DPP10: variants seen among roughly 807,000 people sequenced by gnomAD.
DPP10 encodes the protein dipeptidyl peptidase like 10.
A neutral mutation model predicts 120.9 loss-of-function variants in DPP10; 33 were observed. That is an observed-to-expected ratio of 0.27 (90% CI 0.21 to 0.37). The LOEUF is 0.37. Among genes scored for constraint, DPP10 ranks in the 10% least tolerant of loss-of-function variants. The probability of loss-of-function intolerance (pLI) is 1.00; values close to 1 mark genes in which losing one functional copy is unlikely to be tolerated. For synonymous variants in DPP10, 337 were observed against 326.1 expected (o/e 1.03, Z -0.36); for missense variants, 816 against 942.8 (o/e 0.87, Z 1.76).
rs544470042 is a variant in DPP10 at position 115,105,537 on chromosome 2, C to T, written c.61-203702C>T. Among the ~76,000 whole-genome samples, 11 of 152,138 alleles carry T rather than the reference C, an allele frequency of 7.2e-5. No homozygotes were observed. The South Asian group carries it at 1.7e-3, about 23-fold the overall frequency. On this transcript the variant is annotated intron_variant, in intron 1 of 25. Coordinates refer to ENST00000410059, the MANE Select transcript of DPP10 (RefSeq NM_020868.6). ...AAGAATTCATTCATTACCATGGTGA[C>T]AGCACCAAGTCATTCATGAGGAGTC... is the stretch of plus-strand genomic sequence containing the variant.
Position 115,331,075 on chromosome 2 carries a change from A to AT in DPP10, c.176-12735dup, listed in dbSNP as rs545862328. Among the ~76,000 whole-genome samples, 545 of 152,136 alleles carry AT rather than the reference A, an allele frequency of 3.6e-3. 2 individuals carry two copies. Among genetic ancestry groups the AT allele is most frequent in the Admixed American group, 6.4e-3 (97 of 15,264 alleles). On this transcript the variant is annotated intron_variant, in intron 2 of 25. Transcript: ENST00000410059. ...ATCCATGGGCATGGAACGTTCTTCC[A>AT]TTTTTTTGTGTCCTCTTTTATTTCG...
chr2:114,807,677 T>TC (rs1447848378), intron 1 of DPP10, among the ~76,000 whole-genome samples: 1 of 152,232 alleles, frequency 6.6e-6, no homozygotes, highest in East Asian at 1.9e-4. Flanking sequence ...GCTGTGTGTT[T>TC]CTGCACATAG....
intron 3 of DPP10, among the ~76,000 whole-genome samples, chr2:115,454,151 A>C (rs1319638322): frequency 6.6e-6 from 1 of 151,540 alleles, no homozygotes; most frequent in East Asian, 1.9e-4. Context: ...TTAAAGAAGA[A>C]ATAGTAGTAA....
chr2:114,620,033 C>G (rs903447723), intron 1 of DPP10, among the ~76,000 whole-genome samples: 8 of 151,998 alleles, frequency 5.3e-5, no homozygotes, highest in African/African-American at 1.7e-4. Flanking sequence ...TCCTAAAAAT[C>G]TCGGTTTAAG....
At chr2:115,820,540 A>G (rs1196780890) in intron 21 of DPP10, among the ~76,000 whole-genome samples, 2 of 151,816 alleles carry the variant, frequency 1.3e-5, no homozygotes, top group African/African-American at 4.8e-5. Context: ...TCAGCAGAGA[A>G]GTGTATTGTA....
chr2:115,664,716 T>C (rs1405911940), intron 5 of DPP10, among the ~76,000 whole-genome samples: 4 of 152,140 alleles, frequency 2.6e-5, no homozygotes, highest in African/African-American at 9.7e-5. Flanking sequence ...TTACCCCAAC[T>C]GGGTTCATGA....
intron 1 of DPP10, among the ~76,000 whole-genome samples, chr2:114,589,848 A>G (rs1222832700): frequency 6.6e-6 from 1 of 151,956 alleles, no homozygotes; most frequent in African/African-American, 2.4e-5. Context: ...GTGGTTGCAG[A>G]GGCCCTCCAT....
At chr2:115,575,314 A>T (rs1406730227) in intron 5 of DPP10, among the ~76,000 whole-genome samples, 6 of 152,204 alleles carry the variant, frequency 3.9e-5, no homozygotes, top group Non-Finnish European at 8.8e-5. Context: ...TTTAAATATC[A>T]TCATAAGAAA....
chr2:115,129,583 T>G (rs2050238857), intron 1 of DPP10, among the ~76,000 whole-genome samples: 1 of 152,196 alleles, frequency 6.6e-6, no homozygotes, highest in Admixed American at 6.5e-5. Flanking sequence ...ATTTGTAGAA[T>G]GCATTCTTGT....
At chr2:115,721,992 C>T (rs2092659976) in intron 7 of DPP10, among the ~76,000 whole-genome samples, 2 of 151,994 alleles carry the variant, frequency 1.3e-5, no homozygotes, top group Admixed American at 1.3e-4. Flanking sequence ...TGAAATAAGC[C>T]AGGCACAGAA....
At chr2:114,496,709 T>C (rs1682547858) in intron 1 of DPP10, among the ~76,000 whole-genome samples, 1 of 151,924 alleles carries the variant, frequency 6.6e-6, no homozygotes, top group Admixed American at 6.6e-5. Context: ...ATTTAGACCA[T>C]AGCAGGGTAC....
intron 1 of DPP10, among the ~76,000 whole-genome samples, chr2:114,803,160 C>T (rs1341538180): frequency 6.6e-6 from 1 of 152,186 alleles, no homozygotes; most frequent in African/African-American, 2.4e-5. Flanking sequence ...GGGGTTTCCA[C>T]CTTTGCTTCT....
intron 1 of DPP10, among the ~76,000 whole-genome samples, chr2:114,637,313 C>T (rs1428827346): frequency 6.6e-6 from 1 of 151,812 alleles, no homozygotes; most frequent in African/African-American, 2.4e-5. Flanking sequence ...AGATTGAAGA[C>T]TTTAGGAGGA....
intron 3 of DPP10, among the ~76,000 whole-genome samples, chr2:115,395,129 C>T (rs959861758): frequency 5.3e-5 from 8 of 152,178 alleles, no homozygotes; most frequent in Admixed American, 3.9e-4. Flanking sequence ...AATGTATTTT[C>T]TCATGGTCTG....
intron 1 of DPP10, among the ~76,000 whole-genome samples, chr2:114,478,508 C>G (rs1193484974): frequency 6.6e-6 from 1 of 151,942 alleles, no homozygotes; most frequent in Non-Finnish European, 1.5e-5. Flanking sequence ...TGTAATAAAG[C>G]AAGAATGTAT....
At chr2:115,513,726 A>G (rs555792603) in intron 4 of DPP10, among the ~76,000 whole-genome samples, 1 of 152,034 alleles carries the variant, frequency 6.6e-6, no homozygotes, top group Non-Finnish European at 1.5e-5. Context: ...TTATAACCCA[A>G]TCAACACGCT....
At chr2:115,776,636 A>G (rs1279453795) in intron 13 of DPP10, among the ~76,000 whole-genome samples, 1 of 152,126 alleles carries the variant, frequency 6.6e-6, no homozygotes, top group East Asian at 1.9e-4. Context: ...GGGTCAAACA[A>G]TATATATTTT....
chr2:114,727,664 C>T lies in DPP10; in HGVS notation c.60+284826C>T, dbSNP rs552492748. On this transcript the variant is annotated intron_variant, in intron 1 of 25. Coordinates refer to ENST00000410059, the MANE Select transcript of DPP10 (RefSeq NM_020868.6). ...TTAGGAAAACCAACACATTGTTCCC[C>T]GATGGCTGCACAAATTCAACCAGCT... 1.6e-4 allele frequency among the ~76,000 whole-genome samples: 25 copies of T among 152,226 alleles called. No homozygotes were observed. The South Asian group carries it at 4.8e-3, about 29-fold the overall frequency.
chr2:115,275,433 T>C (rs1433996430), intron 1 of DPP10, among the ~76,000 whole-genome samples: 1 of 152,172 alleles, frequency 6.6e-6, no homozygotes, highest in Non-Finnish European at 1.5e-5. Context: ...CATAATCTCA[T>C]ATGCACGTTG....
Sources: gnomAD v4.1 joint callset for allele counts (sites outside exome capture counted in the v4.1 genomes callset) on GRCh38, gnomAD v4.1.1 for gene constraint, MANE v1.5 for transcripts, NCBI Gene and HGNC (gene_info 2026-07-23, HGNC 2026-07-21) for gene names.